Variants in SLC39A10 observed in about 807,000 individuals in gnomAD.
SLC39A10 encodes zinc transporter ZIP10.
A neutral mutation model predicts 65.1 loss-of-function variants in SLC39A10; 13 were observed. The ratio of observed to expected loss-of-function variants is 0.20; its 90% CI spans 0.13 to 0.32. SLC39A10 has a LOEUF of 0.32. SLC39A10 is among the 10% of genes least tolerant of loss of function. The pLI is 1.00. For missense variants in SLC39A10, 831 were observed against 1,018.4 expected (o/e 0.82, Z 2.50); for synonymous variants, 321 against 342.2 (o/e 0.94, Z 0.68).
At chr2:195,662,521 G>GC (rs1328595687) in intron 1 of SLC39A10, among the ~76,000 whole-genome samples, 2 of 151,964 alleles carry the variant, frequency 1.3e-5, no homozygotes, top group African/African-American at 4.8e-5. Flanking sequence ...TGAGCTACCT[G>GC]CCTTGGCCTC....
chr2:195,688,766 A>G (rs1159398256), intron 3 of SLC39A10, among the ~76,000 whole-genome samples: 1 of 152,198 alleles, frequency 6.6e-6, no homozygotes, highest in Non-Finnish European at 1.5e-5. Context: ...TGTGTGTTAC[A>G]TGCAAAATAA....
chr2:195,659,956 T>C (rs778758204), intron 1 of SLC39A10, among the ~76,000 whole-genome samples: 2 of 152,154 alleles, frequency 1.3e-5, no homozygotes, highest in African/African-American at 2.4e-5. Context: ...CTGTTACTTA[T>C]ATATAATACT....
chr2:195,639,983 A>T (rs1688772401), intron 2 of SLC39A10, among the ~76,000 whole-genome samples: 1 of 152,184 alleles, frequency 6.6e-6, no homozygotes, highest in Non-Finnish European at 1.5e-5. Context: ...GTGTAGAGTC[A>T]TGGATATTTG....
intron 6 of SLC39A10, among the ~76,000 whole-genome samples, chr2:195,716,185 C>T (rs188985429): frequency 5.0e-4 from 76 of 152,204 alleles, no homozygotes; most frequent in Non-Finnish European, 1.0e-3. Context: ...TCTAATTTGC[C>T]AGCTACAGTT....
chr2:195,627,142 G>A (rs975797544), intron 2 of SLC39A10, among the ~76,000 whole-genome samples: 1 of 152,112 alleles, frequency 6.6e-6, no homozygotes, highest in Non-Finnish European at 1.5e-5. Context: ...TAGATCTGGA[G>A]TTTTGAACCA....
At chr2:195,617,165 T>C (rs1688233835) in intron 2 of SLC39A10, among the ~76,000 whole-genome samples, 1 of 152,220 alleles carries the variant, frequency 6.6e-6, no homozygotes, top group African/African-American at 2.4e-5. Flanking sequence ...CTTTTAAGTA[T>C]TTGATCTTTC....
chr2:195,735,163 A>G lies in SLC39A10; in HGVS notation c.*122A>G. 9.5e-7 allele frequency: 1 copy of G among 1,051,568 alleles called. No homozygotes were observed. The highest frequency in any genetic ancestry group is 1.9e-5 in the South Asian group (1 of 52,794). 65.1% of individuals were successfully genotyped at this position (1,051,568 alleles called of 1,614,324 possible). ...GGCTTGCACTACTTACAAGTTTCAT[A>G]GATTTGAGCCTAACCACAAGAGGCT... On this transcript the variant is annotated 3_prime_UTR_variant, in exon 10 of 10. Transcript: ENST00000359634.
At chr2:195,652,800 T>C (rs539182973), upstream of SLC39A10, among the ~76,000 whole-genome samples, 27 of 152,244 alleles carry the variant, frequency 1.8e-4, no homozygotes, top group Non-Finnish European at 3.5e-4. Flanking sequence ...CATGGCCTGT[T>C]AGGAACGGGG....
At chr2:195,643,766 A>C (rs1688856333) in intron 2 of SLC39A10, among the ~76,000 whole-genome samples, 1 of 152,226 alleles carries the variant, frequency 6.6e-6, no homozygotes, top group South Asian at 2.1e-4. Context: ...TTCTACCATC[A>C]TTCAACCATG....
chr2:195,633,351 G>A (rs1311383628), intron 2 of SLC39A10, among the ~76,000 whole-genome samples: 1 of 152,242 alleles, frequency 6.6e-6, no homozygotes, highest in Non-Finnish European at 1.5e-5. Context: ...TTTCAGCACC[G>A]GCAGGAGCAA....
chr2:195,725,190 A>G (rs1427003998), intron 8 of SLC39A10, among the ~76,000 whole-genome samples: 1 of 152,042 alleles, frequency 6.6e-6, no homozygotes, highest in East Asian at 2.0e-4. Context: ...AGAAGAAAAT[A>G]TAGAATATCT....
At chr2:195,665,257 C>G (rs934034868) in intron 1 of SLC39A10, among the ~76,000 whole-genome samples, 1 of 152,160 alleles carries the variant, frequency 6.6e-6, no homozygotes, top group African/African-American at 2.4e-5. Context: ...ATGGAGGTTG[C>G]AGCGAGCAGA....
intron 3 of SLC39A10, among the ~76,000 whole-genome samples, chr2:195,700,404 G>C (rs994729448): frequency 6.6e-6 from 1 of 151,942 alleles, no homozygotes; most frequent in African/African-American, 2.4e-5. Flanking sequence ...CTGTTTTCTT[G>C]TGGTTATTAT....
intron 2 of SLC39A10, among the ~76,000 whole-genome samples, chr2:195,682,964 CAAGTCAATAA>C (rs1449474909): frequency 6.6e-6 from 1 of 151,494 alleles, no homozygotes; most frequent in East Asian, 1.9e-4. Context: ...AGTGAGGTAG[CAAGTCAATAA>C]ACAAGCATGC....
chr2:195,626,851 G>C (rs1326161482), intron 2 of SLC39A10, among the ~76,000 whole-genome samples: 1 of 152,102 alleles, frequency 6.6e-6, no homozygotes, highest in Non-Finnish European at 1.5e-5. Context: ...TTTCTATATA[G>C]AGTTCCTCAT....
intron 6 of SLC39A10, among the ~76,000 whole-genome samples, chr2:195,713,931 C>CT (rs111925254): frequency 1.2e-3 from 176 of 146,284 alleles, no homozygotes; most frequent in African/African-American, 1.9e-3. Flanking sequence ...ATGACAAAGA[C>CT]TTTTTTTTTT....
intron 3 of SLC39A10, among the ~76,000 whole-genome samples, chr2:195,685,137 A>T (rs1179799252): frequency 6.6e-6 from 1 of 151,650 alleles, no homozygotes; most frequent in Non-Finnish European, 1.5e-5. Flanking sequence ...TATGAGGGAG[A>T]TATTATGATC....
chr2:195,686,181 A>G (rs1328477552), intron 3 of SLC39A10, among the ~76,000 whole-genome samples: 1 of 152,206 alleles, frequency 6.6e-6, no homozygotes, highest in South Asian at 2.1e-4. Context: ...AGAATTTTTA[A>G]ACATTTCATA....
At chr2:195,727,730 CT>C (rs992789246) in intron 8 of SLC39A10, among the ~76,000 whole-genome samples, 1 of 152,076 alleles carries the variant, frequency 6.6e-6, no homozygotes, top group Non-Finnish European at 1.5e-5. Context: ...GTAGAATTGA[CT>C]TTTTTTGTGA....
Sources: allele counts gnomAD v4.1 joint callset (sites outside exome capture counted in the v4.1 genomes callset), GRCh38; gene constraint gnomAD v4.1.1; transcripts MANE v1.5; gene names NCBI Gene and HGNC (gene_info 2026-07-23, HGNC 2026-07-21).